Variants in CXXC4 observed in about 807,000 individuals in gnomAD.
CXXC4 encodes the protein CXXC-type zinc finger protein 4.
CXXC4 carries 5 observed loss-of-function variants against 20.5 expected under a neutral mutation model. The ratio of observed to expected loss-of-function variants is 0.24; its 90% CI spans 0.13 to 0.51. CXXC4 has a LOEUF of 0.51. CXXC4 is among the 20% of genes least tolerant of loss of function. The pLI, the probability that CXXC4 is intolerant of heterozygous loss-of-function variation, is 0.97. For missense variants in CXXC4, 419 were observed against 496.4 expected, an observed-to-expected ratio of 0.84 and a Z score of 1.48; for synonymous variants, 250 against 216.4, an observed-to-expected ratio of 1.16 and a Z score of -1.36.
chr4:104,485,260 A>G (rs955882739), intron 2 of CXXC4, among the ~76,000 whole-genome samples: 3 of 152,074 alleles, frequency 2.0e-5, no homozygotes, highest in Non-Finnish European at 4.4e-5. Context: ...ATCTTGGAAT[A>G]TGAGAGAAAC....
chr4:104,493,604 G>C (rs1439308810), intron 1 of CXXC4, among the ~76,000 whole-genome samples: 1 of 152,156 alleles, frequency 6.6e-6, no homozygotes, highest in Non-Finnish European at 1.5e-5. Flanking sequence ...CCCCAGGCTG[G>C]ATTAGAAGCT....
At chr4:104,489,991 T>G (rs558358650) in intron 2 of CXXC4, among the ~76,000 whole-genome samples, 1 of 152,288 alleles carries the variant, frequency 6.6e-6, no homozygotes, top group South Asian at 2.1e-4. Context: ...GTTTTAGAAA[T>G]TATTCATTCT....
intron 2 of CXXC4, among the ~76,000 whole-genome samples, chr4:104,479,187 C>G (rs10013053): frequency 1.3e-5 from 2 of 151,950 alleles, no homozygotes; most frequent in East Asian, 3.9e-4. Context: ...TCAGTGAAAC[C>G]GTATTAACTT....
chr4:104,483,381 T>C (rs1178442123), intron 2 of CXXC4, among the ~76,000 whole-genome samples: 1 of 152,000 alleles, frequency 6.6e-6, no homozygotes, highest in Non-Finnish European at 1.5e-5. Flanking sequence ...CCTTTGTTTC[T>C]CATCTTTCTT....
chr4:104,479,908 T>C (rs971129473), intron 2 of CXXC4, among the ~76,000 whole-genome samples: 2 of 152,082 alleles, frequency 1.3e-5, no homozygotes, highest in Non-Finnish European at 2.9e-5. Context: ...CTTCGACTTT[T>C]GGTCTTTTCT....
intron 2 of CXXC4, among the ~76,000 whole-genome samples, chr4:104,487,098 T>G (rs1472689351): frequency 6.6e-6 from 1 of 152,082 alleles, no homozygotes; most frequent in East Asian, 1.9e-4. Flanking sequence ...TTTTAAGAGA[T>G]AAAAGAAAGT....
At chr4:104,481,536 G>C (rs982792068) in intron 2 of CXXC4, among the ~76,000 whole-genome samples, 1 of 149,756 alleles carries the variant, frequency 6.7e-6, no homozygotes, top group African/African-American at 2.5e-5. Context: ...CTGTCTCAAG[G>C]GAAAAAAGAA....
At chr4:104,492,814 G>T (rs902461578) in intron 1 of CXXC4, among the ~76,000 whole-genome samples, 1 of 151,884 alleles carries the variant, frequency 6.6e-6, no homozygotes, top group Admixed American at 6.6e-5. Context: ...TAAGAGGGTG[G>T]TGTTCTACTT....
chr4:104,489,160 A>C (rs1271091126), intron 2 of CXXC4, among the ~76,000 whole-genome samples: 1 of 152,236 alleles, frequency 6.6e-6, no homozygotes, highest in Non-Finnish European at 1.5e-5. Flanking sequence ...AAGTTGCCAA[A>C]GAAAATGTAA....
intron 2 of CXXC4, among the ~76,000 whole-genome samples, chr4:104,474,151 C>G (rs565705231): frequency 6.6e-6 from 1 of 152,060 alleles, no homozygotes; most frequent in Admixed American, 6.6e-5. Context: ...AGAACAAAAT[C>G]TGCCTGAGCA....
At chr4:104,483,785 AACAC>A (rs969241417) in intron 2 of CXXC4, among the ~76,000 whole-genome samples, 14 of 151,832 alleles carry the variant, frequency 9.2e-5, no homozygotes, top group African/African-American at 3.4e-4. Context: ...GTGAAACATA[AACAC>A]ACACACACAT....
chr4:104,491,313 C>A lies in CXXC4; in HGVS notation c.490G>T (p.Gly164Cys). ...PAGGGGGGGG[G>C]GSRTSMHHRN... ...TGGTGCATGCTGGTCCTGCTGCCGC[C>A]GCCGCCGCCGCCGCCGCCACCGCCG... Residue 164 changes from glycine to cysteine, a missense_variant, in exon 2 of 3, where the codon GGC (glycine) becomes TGC (cysteine). This residue lies in a region of CXXC4 where 388 missense variants were observed against 416.0 expected (regional missense o/e 0.93). Coordinates refer to ENST00000394767, the MANE Select transcript of CXXC4 (RefSeq NM_025212.4). The A allele has an allele frequency of 1.9e-6, 3 of 1,547,054 alleles. No homozygotes were observed. Among genetic ancestry groups the A allele is most frequent in the South Asian group, 2.4e-5 (2 of 83,992 alleles).
chr4:104,490,447 A>T (rs1172759329), intron 2 of CXXC4, among the ~76,000 whole-genome samples: 1 of 152,240 alleles, frequency 6.6e-6, no homozygotes, highest in Non-Finnish European at 1.5e-5. Context: ...TAAACCACCA[A>T]GGGAAAATAT....
chr4:104,471,602 A>C lies in CXXC4; in HGVS notation c.*720T>G, dbSNP rs1329425765. The C allele has an allele frequency of 1.3e-5, 2 of 152,050 alleles. No homozygotes were observed. The highest frequency in any genetic ancestry group is 4.8e-5 in the African/African-American group (2 of 41,420). 9.4% of individuals were successfully genotyped at this position (152,050 alleles called of 1,614,324 possible). A position where few individuals can be genotyped will look rare whatever the true frequency, so the allele number is the denominator to read the frequency against. On this transcript the variant is annotated 3_prime_UTR_variant, in exon 3 of 3. Coordinates refer to ENST00000394767, the MANE Select transcript of CXXC4 (RefSeq NM_025212.4). ...ATGCAAGTGCATAACCACTACTCTA[A>C]TATAGTGCTCAAAAGATTAATTGAA...
chr4:104,481,120 A>G (rs1736548662), intron 2 of CXXC4, among the ~76,000 whole-genome samples: 1 of 152,218 alleles, frequency 6.6e-6, no homozygotes, highest in Non-Finnish European at 1.5e-5. Flanking sequence ...ACCAAGGATG[A>G]GTCAAGGAAT....
At position 104,468,488 on chromosome 4, in the gene CXXC4, A is replaced by T. The variant is rs1036202345; in HGVS notation, c.*3834T>A. ...AAAACCGTTTTTTAAATAATTGCAC[A>T]AGCATACATACACCTTACACAAATA... On this transcript the variant is annotated 3_prime_UTR_variant, in exon 3 of 3. Transcript: ENST00000394767. 1.3e-5 allele frequency: 2 copies of T among 151,546 alleles called. No homozygotes were observed. The highest frequency in any genetic ancestry group is 4.8e-5 in the African/African-American group (2 of 41,290). The allele number at this position is 151,546 out of a possible 1,614,324, so 9.4% of individuals were successfully genotyped here. A position where few individuals can be genotyped will look rare whatever the true frequency, so the allele number is the denominator to read the frequency against.
intron 1 of CXXC4, among the ~76,000 whole-genome samples, chr4:104,493,377 G>C (rs1736954214): frequency 6.6e-6 from 1 of 152,084 alleles, no homozygotes; most frequent in African/African-American, 2.4e-5. Context: ...AGAGTTCAGG[G>C]AATTCTACAT....
At chr4:104,477,626 TAGTAA>T (rs1736446979) in intron 2 of CXXC4, among the ~76,000 whole-genome samples, 1 of 152,008 alleles carries the variant, frequency 6.6e-6, no homozygotes, top group South Asian at 2.1e-4. Flanking sequence ...TAGAAAACAC[TAGTAA>T]AGTATAGGCT....
chr4:104,485,369 A>G (rs1168063045), intron 2 of CXXC4, among the ~76,000 whole-genome samples: 1 of 152,134 alleles, frequency 6.6e-6, no homozygotes, highest in Non-Finnish European at 1.5e-5. Context: ...TTTCTATATG[A>G]CAAATGCAAG....
Sources: gnomAD v4.1 joint callset for allele counts (sites outside exome capture counted in the v4.1 genomes callset) on GRCh38, gnomAD v4.1.1 for gene constraint, gnomAD v4.1.1 regional missense constraint, MANE v1.5 for transcripts, NCBI Gene and HGNC (gene_info 2026-07-23, HGNC 2026-07-21) for gene names.